ELAPOR2: variants seen among roughly 807,000 people sequenced by gnomAD.
The protein encoded by ELAPOR2 is endosome/lysosome-associated apoptosis and autophagy regulator family member 2.
In ELAPOR2, 89 loss-of-function variants were observed where a neutral mutation model predicts 120.7. The ratio of observed to expected loss-of-function variants is 0.74; its 90% CI spans 0.62 to 0.88. The LOEUF (loss-of-function observed/expected upper bound fraction) is 0.88, where lower values mean the gene tolerates loss of function less well. Among genes scored for constraint, ELAPOR2 ranks in the 40% least tolerant of loss-of-function variants. The pLI is 0.00. For missense variants in ELAPOR2, 1,134 were observed against 1,251.6 expected, an observed-to-expected ratio of 0.91 and a Z score of 1.42; for synonymous variants, 444 against 444.9, an observed-to-expected ratio of 1.00 and a Z score of 0.03.
chr7:86,889,939 G>T (rs866367305), intron 21 of ELAPOR2, among the ~76,000 whole-genome samples: 1 of 151,866 alleles, frequency 6.6e-6, no homozygotes, highest in Non-Finnish European at 1.5e-5. Context: ...CTGAGGGTAG[G>T]GTTGAGGTTA....
chr7:86,905,018 AATGAATGAATGAATGG>A (rs1219101237), intron 18 of ELAPOR2, among the ~76,000 whole-genome samples: 2 of 151,514 alleles, frequency 1.3e-5, no homozygotes, highest in Non-Finnish European at 2.9e-5. Context: ...AAGCTGAAAG[AATGAATGAATGAATGG>A]ATGAATGAAT....
intron 1 of ELAPOR2, among the ~76,000 whole-genome samples, 157 bp downstream of exon 1, chr7:87,059,168 G>A: frequency 6.6e-6 from 1 of 151,930 alleles, no homozygotes; most frequent in East Asian, 1.9e-4. Flanking sequence ...CCAGCTACCA[G>A]GGCGGGCAAC....
chr7:87,002,521 C>T (rs189946818), intron 1 of ELAPOR2, among the ~76,000 whole-genome samples: 13 of 152,162 alleles, frequency 8.5e-5, no homozygotes, highest in Admixed American at 2.0e-4. Context: ...TTAGAGTAGG[C>T]AAAGGATGCT....
chr7:86,965,496 A>G (rs1791871620), intron 1 of ELAPOR2, among the ~76,000 whole-genome samples: 1 of 152,296 alleles, frequency 6.6e-6, no homozygotes, highest in African/African-American at 2.4e-5. Flanking sequence ...ATTAATCATC[A>G]AATACTAATA....
intron 1 of ELAPOR2, among the ~76,000 whole-genome samples, chr7:87,034,524 A>C (rs932039521): frequency 6.6e-6 from 1 of 152,074 alleles, no homozygotes; most frequent in Non-Finnish European, 1.5e-5. Context: ...AAATGATCTT[A>C]ATATTTATCT....
intron 2 of ELAPOR2, among the ~76,000 whole-genome samples, chr7:86,955,317 T>C (rs542434031): frequency 1.9e-4 from 29 of 152,306 alleles, no homozygotes; most frequent in African/African-American, 6.0e-4. Context: ...TTCTTGCTGA[T>C]ATTCTCTTAA....
chr7:87,033,280 GAA>G (rs1311720108), intron 1 of ELAPOR2, among the ~76,000 whole-genome samples: 2 of 152,166 alleles, frequency 1.3e-5, no homozygotes, highest in Non-Finnish European at 2.9e-5. Flanking sequence ...ACTTCTGTGA[GAA>G]AAGTGTTTCA....
chr7:87,040,183 G>T (rs547190461), intron 1 of ELAPOR2, among the ~76,000 whole-genome samples: 69 of 152,336 alleles, frequency 4.5e-4, no homozygotes, highest in African/African-American at 1.6e-3. Flanking sequence ...AGGCGGCAGC[G>T]AGGCTGGGGG....
chr7:86,936,011 G>A (rs1790546183), intron 8 of ELAPOR2, among the ~76,000 whole-genome samples: 1 of 151,898 alleles, frequency 6.6e-6, no homozygotes, highest in Non-Finnish European at 1.5e-5. Context: ...CATGTCGATG[G>A]TAATGTTTGG....
chr7:87,013,856 C>A (rs531204095), intron 1 of ELAPOR2, among the ~76,000 whole-genome samples: 2 of 152,184 alleles, frequency 1.3e-5, no homozygotes, highest in South Asian at 4.1e-4. Context: ...AAAATCAATA[C>A]TCAGTAATTT....
At chr7:86,992,923 T>A (rs1005991613) in intron 1 of ELAPOR2, among the ~76,000 whole-genome samples, 1 of 152,064 alleles carries the variant, frequency 6.6e-6, no homozygotes, top group African/African-American at 2.4e-5. Context: ...CTATAAAAAC[T>A]ACAGAGATTC....
At chr7:86,981,396 A>T (rs1401515063) in intron 1 of ELAPOR2, among the ~76,000 whole-genome samples, 1 of 152,142 alleles carries the variant, frequency 6.6e-6, no homozygotes, top group Non-Finnish European at 1.5e-5. Context: ...ACTAACTGTG[A>T]TCTGGCTTCT....
chr7:87,047,731 A>T (rs1008291586), intron 1 of ELAPOR2, among the ~76,000 whole-genome samples: 3 of 152,200 alleles, frequency 2.0e-5, no homozygotes, highest in African/African-American at 2.4e-5. Flanking sequence ...TGGGAATGTA[A>T]ATTAGTGCAA....
intron 1 of ELAPOR2, among the ~76,000 whole-genome samples, chr7:86,994,081 C>A (rs1468401743): frequency 6.6e-6 from 1 of 152,156 alleles, no homozygotes; most frequent in Non-Finnish European, 1.5e-5. Context: ...TCTTTGGGAG[C>A]AGGTATTTAG....
chr7:86,907,573 C>G, intron 18 of ELAPOR2, 97 bp downstream of exon 18: 1 of 752,890 alleles, frequency 1.3e-6, no homozygotes, highest in Admixed American at 3.4e-5. Context: ...TGTTTTCTTT[C>G]TGCTTTATGT....
intron 2 of ELAPOR2, among the ~76,000 whole-genome samples, chr7:86,948,918 A>C (rs1383334971): frequency 6.6e-6 from 1 of 152,168 alleles, no homozygotes; most frequent in Non-Finnish European, 1.5e-5. Flanking sequence ...AAGAAAAACA[A>C]ATCTCCCAGC....
At chr7:86,986,821 T>G (rs1005318263) in intron 1 of ELAPOR2, among the ~76,000 whole-genome samples, 6 of 151,108 alleles carry the variant, frequency 4.0e-5, no homozygotes, top group Non-Finnish European at 7.4e-5. Context: ...ACCAATGACT[T>G]TCTTCACAGA....
chr7:87,040,183 G>A (rs547190461), intron 1 of ELAPOR2, among the ~76,000 whole-genome samples: 9 of 152,222 alleles, frequency 5.9e-5, no homozygotes, highest in East Asian at 5.8e-4. Context: ...AGGCGGCAGC[G>A]AGGCTGGGGG....
intron 18 of ELAPOR2, among the ~76,000 whole-genome samples, chr7:86,898,301 A>G (rs1461927256): frequency 6.6e-6 from 1 of 152,130 alleles, no homozygotes; most frequent in Non-Finnish European, 1.5e-5. Context: ...AGAGAAATCT[A>G]TAGAGACTGA....
Sources: gnomAD v4.1 joint callset for allele counts (sites outside exome capture counted in the v4.1 genomes callset) on GRCh38, gnomAD v4.1.1 for gene constraint, MANE v1.5 for transcripts, NCBI Gene and HGNC (gene_info 2026-07-23, HGNC 2026-07-21) for gene names.